The following SUMF1 variants were observed in gnomAD, a reference collection of about 807,000 sequenced individuals.
SUMF1 encodes sulfatase modifying factor 1, also known as formylglycine-generating enzyme.
Under a neutral mutation model 47.6 loss-of-function variants are expected in SUMF1, and 48 were observed. The ratio of observed to expected loss-of-function variants is 1.01; its 90% confidence interval spans 0.80 to 1.28. SUMF1 has a LOEUF of 1.28. Among genes scored for constraint, SUMF1 ranks in the 50% most tolerant of loss-of-function variants. The pLI, the probability that SUMF1 is intolerant of heterozygous loss-of-function variation, is 0.00. For synonymous variants in SUMF1, 230 were observed against 192.1 expected (o/e 1.20, Z -1.63); for missense variants, 571 against 485.4 (o/e 1.18, Z -1.66).
intron 8 of SUMF1, among the ~76,000 whole-genome samples, chr3:4,072,331 C>G (rs1695547191): frequency 6.6e-6 from 1 of 152,120 alleles, no homozygotes; most frequent in South Asian, 2.1e-4. Flanking sequence ...CTGTAGGTCA[C>G]CAACATCAAA....
At chr3:4,066,606 C>A (rs1695381773) in intron 9 of SUMF1, among the ~76,000 whole-genome samples, 1 of 152,100 alleles carries the variant, frequency 6.6e-6, no homozygotes, top group African/African-American at 2.4e-5. Flanking sequence ...TGACTGCTTC[C>A]TTACTCTTTC....
chr3:4,157,143 G>A (rs1222333913), intron 8 of SUMF1, among the ~76,000 whole-genome samples: 1 of 151,372 alleles, frequency 6.6e-6, no homozygotes, highest in African/African-American at 2.5e-5. Context: ...TTAATTTCTT[G>A]GTGTTTGGTC....
chr3:4,376,398 G>T lies in SUMF1; in HGVS notation c.955-9C>A. 2 of 1,614,038 alleles carry T rather than the reference G, an allele frequency of 1.2e-6. No homozygotes were observed. Among genetic ancestry groups the T allele is most frequent in the Non-Finnish European group, 1.7e-6 (2 of 1,179,920 alleles). ...CCAGAAGGGGGACCTTTCTACAGATGAAGAAAAAAGGCTATGTTAGACCAG... is the reference window on the plus strand; with the variant it reads ...CCAGAAGGGGGACCTTTCTACAGATTAAGAAAAAAGGCTATGTTAGACCAG... On this transcript the variant is annotated splice_polypyrimidine_tract_variant and intron_variant, in intron 7 of 8. Coordinates refer to ENST00000272902, the MANE Select transcript of SUMF1 (RefSeq NM_182760.4).
At chr3:4,326,130 A>G (rs1006413156) in intron 8 of SUMF1, among the ~76,000 whole-genome samples, 2 of 152,164 alleles carry the variant, frequency 1.3e-5, no homozygotes, top group Non-Finnish European at 2.9e-5. Context: ...CTATCTTTTG[A>G]AACATAACTT....
chr3:4,222,936 T>G (rs1227889953), intron 8 of SUMF1, among the ~76,000 whole-genome samples: 4 of 152,106 alleles, frequency 2.6e-5, no homozygotes, highest in Non-Finnish European at 4.4e-5. Flanking sequence ...GAGTGGTTTC[T>G]TCCACTGCAG....
chr3:4,125,213 AAAAAT>A (rs1258030325), intron 8 of SUMF1, among the ~76,000 whole-genome samples: 4 of 152,156 alleles, frequency 2.6e-5, no homozygotes, highest in African/African-American at 9.7e-5. Context: ...TAAAATAATT[AAAAAT>A]AAAATAAAAT....
chr3:4,163,574 G>A (rs1347166795), intron 8 of SUMF1, among the ~76,000 whole-genome samples: 1 of 149,742 alleles, frequency 6.7e-6, no homozygotes, highest in Non-Finnish European at 1.5e-5. Context: ...TACTGTCCTT[G>A]GACCCACTTT....
chr3:4,079,247 C>T (rs1692506267), intron 8 of SUMF1, among the ~76,000 whole-genome samples: 1 of 152,112 alleles, frequency 6.6e-6, no homozygotes, highest in Non-Finnish European at 1.5e-5. Context: ...CACCTCGCTT[C>T]AATCCTTGAA....
At chr3:4,372,162 G>A (rs372765162) in intron 8 of SUMF1, among the ~76,000 whole-genome samples, 8 of 152,106 alleles carry the variant, frequency 5.3e-5, no homozygotes, top group East Asian at 3.8e-4. Context: ...TTAGCTGGGC[G>A]TGGTGGCACA....
chr3:4,248,199 C>T (rs1559610192), intron 8 of SUMF1, among the ~76,000 whole-genome samples: 1 of 152,116 alleles, frequency 6.6e-6, no homozygotes, highest in Non-Finnish European at 1.5e-5. Flanking sequence ...TGCTGAAGAG[C>T]AAAATCAGCC....
At chr3:4,114,226 C>T (rs2125072358) in intron 8 of SUMF1, among the ~76,000 whole-genome samples, 1 of 152,206 alleles carries the variant, frequency 6.6e-6, no homozygotes, top group Non-Finnish European at 1.5e-5. Context: ...TGGGGAAGGA[C>T]ATGAAGTTTT....
At chr3:4,058,886 A>G (rs1695234364) in intron 9 of SUMF1, among the ~76,000 whole-genome samples, 1 of 152,130 alleles carries the variant, frequency 6.6e-6, no homozygotes, top group South Asian at 2.1e-4. Context: ...TTAATTTTCA[A>G]TTTGTGAGAT....
intron 8 of SUMF1, among the ~76,000 whole-genome samples, chr3:4,090,409 G>T (rs1044113914): frequency 6.6e-6 from 1 of 152,106 alleles, no homozygotes; most frequent in African/African-American, 2.4e-5. Context: ...ATGTGTGAGT[G>T]CACATTGTGA....
At chr3:4,158,806 T>A (rs528135956) in intron 8 of SUMF1, among the ~76,000 whole-genome samples, 2 of 151,644 alleles carry the variant, frequency 1.3e-5, no homozygotes, top group Non-Finnish European at 2.9e-5. Flanking sequence ...GTACTTCTGC[T>A]CTTTTTTGGT....
intron 7 of SUMF1, among the ~76,000 whole-genome samples, chr3:4,377,753 T>C (rs1259871581): frequency 2.6e-5 from 4 of 152,160 alleles, no homozygotes; most frequent in African/African-American, 9.7e-5. Context: ...TACCAATAAA[T>C]AGGCTCTAAT....
chr3:4,182,061 T>C (rs1243282546), intron 8 of SUMF1, among the ~76,000 whole-genome samples: 2 of 152,222 alleles, frequency 1.3e-5, no homozygotes, highest in African/African-American at 4.8e-5. Context: ...ATAGAGATTC[T>C]ATTTACATTC....
chr3:4,073,847 C>T (rs564494966), intron 8 of SUMF1, among the ~76,000 whole-genome samples: 18 of 152,164 alleles, frequency 1.2e-4, no homozygotes, highest in Non-Finnish European at 2.2e-4. Flanking sequence ...AGCAAGGTCT[C>T]AAAGACCTGA....
rs551097894 is a variant in SUMF1 at position 4,271,067 on chromosome 3, TA to T, written c.1014+105262del. ...TAACTGAAACGCAAAGGATAAAAAC[TA>T]AGTCCTAGAATACATCAAACTCAAA... On this transcript the variant is annotated intron_variant and NMD_transcript_variant, in intron 8 of 12. Coordinates refer to the SUMF1 transcript ENST00000448413. Among the ~76,000 whole-genome samples the T allele has an allele frequency of 1.6e-4, 25 of 152,284 alleles. No individual in the cohort carries two copies. The East Asian group carries it at 4.4e-3, about 27-fold the overall frequency.
At position 4,202,959 on chromosome 3, in the gene SUMF1, T is replaced by C. The variant is rs146187110; in HGVS notation, c.1015-134214A>G. ...AAAGATACTTGATATTATTTCCATT[T>C]TTTTTAATGTTTTAAGACTGATTTT... On this transcript the variant is annotated intron_variant and NMD_transcript_variant, in intron 8 of 12. Coordinates refer to the SUMF1 transcript ENST00000448413. Among the ~76,000 whole-genome samples, 338 of 152,116 alleles carry C rather than the reference T, an allele frequency of 2.2e-3. 2 individuals are homozygous for C. The highest frequency in any genetic ancestry group is 7.6e-3 in the African/African-American group (314 of 41,552).
Sources: allele counts gnomAD v4.1 joint callset (sites outside exome capture counted in the v4.1 genomes callset), GRCh38; gene constraint gnomAD v4.1.1; transcripts MANE v1.5; gene names NCBI Gene and HGNC (gene_info 2026-07-23, HGNC 2026-07-21).